Variants in FGD5 observed in about 807,000 individuals in gnomAD.
FGD5 encodes the protein FYVE, RhoGEF and PH domain-containing protein 5.
FGD5 carries 28 observed loss-of-function variants against 133.4 expected under a neutral mutation model. The observed-to-expected ratio is 0.21, with a 90% CI of 0.16 to 0.29. FGD5 has a LOEUF of 0.29. Among genes scored for constraint, FGD5 ranks in the 10% least tolerant of loss-of-function variants. The probability of loss-of-function intolerance (pLI) is 1.00; values close to 1 mark genes in which losing one functional copy is unlikely to be tolerated. For synonymous variants in FGD5, 810 were observed against 776.5 expected (o/e 1.04, Z -0.72); for missense variants, 1,858 against 1,895.2 (o/e 0.98, Z 0.36).
chr3:14,923,362 ATCGGTGTC>A, intron 16 of FGD5, 187 bp downstream of exon 16: 1 of 783,532 alleles, frequency 1.3e-6, no homozygotes. Flanking sequence ...TGGAAAATTG[ATCGGTGTC>A]CCCAGAAGAA....
At position 14,933,165 on chromosome 3, in the gene FGD5, T is replaced by C. The variant is rs980166257; in HGVS notation, c.4387T>C (p.Ter1463GlnextTer22). The change falls in exon 20 of 20, where the codon TAG (stop) becomes CAG (glutamine). Residue 1463 changes from the stop codon to glutamine (Q), a stop_lost. Coordinates refer to ENST00000285046, the MANE Select transcript of FGD5 (RefSeq NM_152536.4). Reference sequence around the variant, plus strand: ...GGCCATGGAAGATGCGAGTGTGTTATAGCAGTTATCAAGCATGTGGACTTG... The same window carrying C: ...GGCCATGGAAGATGCGAGTGTGTTACAGCAGTTATCAAGCATGTGGACTTG... ...IEAMEDASVL* is the reference protein window; with the variant it reads ...IEAMEDASVLQ 9.3e-6 allele frequency: 15 copies of C among 1,613,474 alleles called. No homozygotes were observed. The highest frequency in any genetic ancestry group is 3.3e-5 in the South Asian group (3 of 90,898).
intron 4 of FGD5, among the ~76,000 whole-genome samples, chr3:14,893,178 A>G (rs2038062464): frequency 6.6e-6 from 1 of 152,206 alleles, no homozygotes; most frequent in African/African-American, 2.4e-5. Flanking sequence ...TCTTTAATTT[A>G]TTAAAAAATG....
intron 4 of FGD5, among the ~76,000 whole-genome samples, chr3:14,890,682 G>T (rs1172770272): frequency 6.6e-6 from 1 of 152,238 alleles, no homozygotes; most frequent in Non-Finnish European, 1.5e-5. Flanking sequence ...TTTGAAATGA[G>T]TCATGTTGGT....
At chr3:14,912,203 G>C (rs1244398010) in intron 11 of FGD5, among the ~76,000 whole-genome samples, 1 of 152,194 alleles carries the variant, frequency 6.6e-6, no homozygotes, top group Non-Finnish European at 1.5e-5. Flanking sequence ...GAGAAATCCT[G>C]AGCCTGGGCA....
At position 14,820,604 on chromosome 3, in the gene FGD5, C is replaced by A. The variant is rs749644172; in HGVS notation, c.1533C>A (p.Gly511=). The change falls in exon 1 of 20, where the codon GGC becomes GGA. Residue 511 remains glycine (G), a synonymous_variant. Transcript: ENST00000285046. ...CTGAGGCGGGCTCGTCAGCCCCTGG[C>A]ATTGGAGGTGCCGCAGAGGAGGTGG... ...TGPEAGSSAP[G]IGGAAEEVGK... is the part of the protein sequence containing the mutation. 2 of 1,607,318 alleles carry A rather than the reference C, an allele frequency of 1.2e-6. No homozygotes were observed. The highest frequency in any genetic ancestry group is 3.4e-5 in the Admixed American group (2 of 59,212).
intron 1 of FGD5, among the ~76,000 whole-genome samples, chr3:14,858,637 C>A (rs957788455): frequency 3.3e-5 from 5 of 152,132 alleles, no homozygotes; most frequent in African/African-American, 1.2e-4. Flanking sequence ...GAATGAAAAA[C>A]CAGGCAGGCA....
At chr3:14,847,713 G>A (rs983490183) in intron 1 of FGD5, among the ~76,000 whole-genome samples, 2 of 152,198 alleles carry the variant, frequency 1.3e-5, no homozygotes, top group Non-Finnish European at 1.5e-5. Context: ...ACCAAGTTTT[G>A]GAAATCTAGG....
rs1575261754 is a variant in FGD5 at position 14,922,736 on chromosome 3, AG to A, written c.3807+189del. Reference sequence around the variant, plus strand: ...TATAGATCATCAAACCAGAGCTCCAAGTCCCAGGCCTCTTCCACACCACCAC... The same window carrying A: ...TATAGATCATCAAACCAGAGCTCCAATCCCAGGCCTCTTCCACACCACCAC... On this transcript the variant is annotated intron_variant, in intron 15 of 19. Coordinates refer to ENST00000285046, the MANE Select transcript of FGD5 (RefSeq NM_152536.4). This position sits in a 1 kb window ranked among gnomAD's most constrained non-coding sequence, Gnocchi z 4.1. 3.9e-5 allele frequency among the ~76,000 whole-genome samples: 6 copies of A among 152,352 alleles called. No homozygotes were observed. The East Asian group carries it at 1.2e-3, about 29-fold the overall frequency.
At chr3:14,860,808 T>TAA (rs34317529) in intron 1 of FGD5, among the ~76,000 whole-genome samples, 13,160 of 148,230 alleles carry the variant, frequency 0.089, 772 homozygotes, top group East Asian at 0.3. Flanking sequence ...ACCCCTTTTT[T>TAA]AAAAAAAAAA....
At position 14,933,252 on chromosome 3, in the gene FGD5, C is replaced by A; in HGVS notation, c.*85C>A. The A allele has an allele frequency of 2.0e-6, 3 of 1,474,200 alleles. No homozygotes were observed. The highest frequency in any genetic ancestry group is 2.4e-5 in the East Asian group (1 of 42,248). The allele number at this position is 1,474,200 out of a possible 1,614,324, so 91.3% of individuals were successfully genotyped here. A position where few individuals can be genotyped will look rare whatever the true frequency, so the allele number is the denominator to read the frequency against. ...AAGCTAAGCTGTGGCTCAACTCATC[C>A]GGACACACACCTGGATTCAGCAATG... On this transcript the variant is annotated 3_prime_UTR_variant, in exon 20 of 20. Transcript: ENST00000285046.
intron 9 of FGD5, among the ~76,000 whole-genome samples, chr3:14,901,435 A>G (rs978929828): frequency 6.6e-6 from 1 of 152,204 alleles, no homozygotes; most frequent in Admixed American, 6.5e-5. Flanking sequence ...CCCTGGGTAA[A>G]TGTTAGGACC....
chr3:14,826,313 T>A (rs9854401), intron 1 of FGD5, among the ~76,000 whole-genome samples: 8,697 of 152,032 alleles, frequency 0.057, 262 homozygotes, highest in African/African-American at 0.077. Flanking sequence ...TCCCCTCTTC[T>A]CCTCTGCCCC....
At chr3:14,833,348 T>A (rs1485529970) in intron 1 of FGD5, among the ~76,000 whole-genome samples, 1 of 152,210 alleles carries the variant, frequency 6.6e-6, no homozygotes, top group African/African-American at 2.4e-5. Flanking sequence ...GGTCAAGGCA[T>A]AACCCAAGAA....
intron 1 of FGD5, among the ~76,000 whole-genome samples, chr3:14,821,985 A>T (rs1180615242): frequency 6.6e-6 from 1 of 152,152 alleles, no homozygotes; most frequent in Non-Finnish European, 1.5e-5. Context: ...CTGTAATCCC[A>T]GCTGCTCGGG....
At chr3:14,924,883 C>G (rs1486342312) in intron 17 of FGD5, among the ~76,000 whole-genome samples, 1 of 152,040 alleles carries the variant, frequency 6.6e-6, no homozygotes, top group African/African-American at 2.4e-5. Flanking sequence ...GGGCAGATCA[C>G]GAGGTCGGGA....
chr3:14,868,300 C>T (rs747415559), intron 2 of FGD5, among the ~76,000 whole-genome samples: 6 of 151,926 alleles, frequency 3.9e-5, no homozygotes, highest in Non-Finnish European at 8.8e-5. Context: ...CTCATGGCCA[C>T]ATTTGTTTCC....
intron 2 of FGD5, among the ~76,000 whole-genome samples, chr3:14,874,276 C>T (rs553793252): frequency 1.7e-3 from 262 of 152,030 alleles, no homozygotes; most frequent in Non-Finnish European, 2.8e-3. Context: ...CCCAGCACTT[C>T]GGGAGGCCAA....
rs564413753 is a variant in FGD5 at position 14,917,851 on chromosome 3, G to A, written c.3489+519G>A. Among the ~76,000 whole-genome samples the A allele has an allele frequency of 6.6e-6, 1 of 152,236 alleles. No individual in the cohort carries two copies. The highest frequency in any genetic ancestry group is 2.4e-5 in the African/African-American group (1 of 41,528). On this transcript the variant is annotated intron_variant, in intron 12 of 19. Coordinates refer to ENST00000285046, the MANE Select transcript of FGD5 (RefSeq NM_152536.4). This position sits in a 1 kb window ranked among gnomAD's most constrained non-coding sequence, Gnocchi z 4.1. ...TCCATTCCCCTCCTTCTCAGCCCCT[G>A]GCACCTACCATTCTACTTTCTATGT...
In FGD5 at chr3:14,891,227, G is replaced by A. The variant is rs1342160431; in HGVS notation, c.2749-6282G>A. ...GAGTCCTCCTGCCCCAGGTCGGCAGGGAAACCTCCACCCCAGGCTCAGAAT... is the reference window on the plus strand; with the variant it reads ...GAGTCCTCCTGCCCCAGGTCGGCAGAGAAACCTCCACCCCAGGCTCAGAAT... On this transcript the variant is annotated intron_variant, in intron 4 of 19. Transcript: ENST00000285046. Among the ~76,000 whole-genome samples, 3 of 152,112 alleles carry A rather than the reference G, an allele frequency of 2.0e-5. No homozygotes were observed. The East Asian group carries it at 5.8e-4, about 29-fold the overall frequency.
Sources: gnomAD v4.1 joint callset for allele counts (sites outside exome capture counted in the v4.1 genomes callset) on GRCh38, gnomAD v4.1.1 for gene constraint, Gnocchi (gnomAD v3.1) non-coding constraint, MANE v1.5 for transcripts, NCBI Gene and HGNC (gene_info 2026-07-23, HGNC 2026-07-21) for gene names.